CDKAL1: variants seen among roughly 807,000 people sequenced by gnomAD.
The protein encoded by CDKAL1 is threonylcarbamoyladenosine tRNA methylthiotransferase.
Under a neutral mutation model 68.2 loss-of-function variants are expected in CDKAL1, and 32 were observed. That is an observed-to-expected ratio of 0.47 (90% CI 0.35 to 0.63). The LOEUF is 0.63. Ranked by LOEUF, CDKAL1 falls within the 30% of genes least tolerant of loss-of-function variation. The pLI, the probability that CDKAL1 is intolerant of heterozygous loss-of-function variation, is 0.00. For synonymous variants in CDKAL1, 234 were observed against 244.3 expected, an observed-to-expected ratio of 0.96 and a Z score of 0.39; for missense variants, 606 against 696.7, an observed-to-expected ratio of 0.87 and a Z score of 1.47.
intron 15 of CDKAL1, 40 bp from the exon 16 acceptor site, chr6:21,230,808 C>A: frequency 2.0e-6 from 3 of 1,485,982 alleles, no homozygotes; most frequent in Non-Finnish European, 2.7e-6. Flanking sequence ...GCTTTCTCTG[C>A]ATCTAAAAAT....
At chr6:21,045,820 T>G (rs180704144) in intron 11 of CDKAL1, among the ~76,000 whole-genome samples, 1 of 152,338 alleles carries the variant, frequency 6.6e-6, no homozygotes, top group East Asian at 1.9e-4. Flanking sequence ...GGTATTTTTA[T>G]TTAGCAGTTG....
At chr6:21,160,044 T>C (rs1035800809) in intron 13 of CDKAL1, among the ~76,000 whole-genome samples, 1 of 152,178 alleles carries the variant, frequency 6.6e-6, no homozygotes, top group Non-Finnish European at 1.5e-5. Flanking sequence ...GATTTGTTCT[T>C]GTGATTTTGG....
At chr6:20,921,438 A>G (rs1307658704) in intron 9 of CDKAL1, among the ~76,000 whole-genome samples, 3 of 152,178 alleles carry the variant, frequency 2.0e-5, no homozygotes, top group African/African-American at 7.2e-5. Context: ...AAATAAATAA[A>G]TAAATAAACC....
intron 11 of CDKAL1, among the ~76,000 whole-genome samples, chr6:21,007,454 G>T (rs767296782): frequency 1.6e-5 from 2 of 122,782 alleles, no homozygotes; most frequent in Admixed American, 1.1e-4. Context: ...CTGCATTCCA[G>T]CCTGGGCAAC....
At chr6:21,226,291 T>G (rs150742837) in intron 15 of CDKAL1, among the ~76,000 whole-genome samples, 17,597 of 151,980 alleles carry the variant, frequency 0.12, 1,203 homozygotes, top group East Asian at 0.33. Context: ...AAAGTTTTTT[T>G]TTTTTTTTTT....
At chr6:20,907,452 T>G (rs1351572174) in intron 9 of CDKAL1, among the ~76,000 whole-genome samples, 2 of 152,084 alleles carry the variant, frequency 1.3e-5, no homozygotes, top group Non-Finnish European at 2.9e-5. Flanking sequence ...ATGATACATT[T>G]TATGTTATAT....
At chr6:20,739,751 T>C (rs1325724076) in intron 6 of CDKAL1, 136 bp downstream of exon 6, 5 of 508,804 alleles carry the variant, frequency 9.8e-6, no homozygotes, top group African/African-American at 2.0e-5. Flanking sequence ...ATTTTCCTTA[T>C]TGTCCCTGAA....
At chr6:21,129,324 C>T (rs1021398053) in intron 13 of CDKAL1, among the ~76,000 whole-genome samples, 1 of 151,680 alleles carries the variant, frequency 6.6e-6, no homozygotes, top group Non-Finnish European at 1.5e-5. Flanking sequence ...AAAAAGAAAC[C>T]TAACCAGCTG....
intron 4 of CDKAL1, among the ~76,000 whole-genome samples, chr6:20,631,679 G>C (rs1452655594): frequency 6.6e-6 from 1 of 152,178 alleles, no homozygotes; most frequent in Admixed American, 6.5e-5. Context: ...CTGGTCCTCT[G>C]CTGAATAATT....
intron 9 of CDKAL1, among the ~76,000 whole-genome samples, chr6:20,856,197 C>T (rs563040614): frequency 2.3e-4 from 35 of 152,136 alleles, no homozygotes; most frequent in Admixed American, 5.9e-4. Context: ...TATTTTAGGA[C>T]ATGGGAAGAC....
At chr6:20,570,860 T>A (rs1764672659) in intron 4 of CDKAL1, among the ~76,000 whole-genome samples, 1 of 152,222 alleles carries the variant, frequency 6.6e-6, no homozygotes, top group African/African-American at 2.4e-5. Flanking sequence ...TGTACCCTTA[T>A]AGTCTCTTCA....
chr6:20,810,401 C>G (rs1383330714), intron 8 of CDKAL1, among the ~76,000 whole-genome samples: 1 of 15,360 alleles, frequency 6.5e-5, no homozygotes, highest in Non-Finnish European at 1.4e-4. Flanking sequence ...GTCACACACA[C>G]ACACACACAC....
chr6:20,796,597 G>A (rs1472266936), intron 8 of CDKAL1, among the ~76,000 whole-genome samples: 1 of 152,216 alleles, frequency 6.6e-6, no homozygotes, highest in East Asian at 1.9e-4. Flanking sequence ...CTGTAAAGTA[G>A]CAGCAATCAA....
At chr6:20,570,411 A>AT (rs992993449) in intron 4 of CDKAL1, among the ~76,000 whole-genome samples, 1 of 141,426 alleles carries the variant, frequency 7.1e-6, no homozygotes. Context: ...CAATTAATTT[A>AT]TTTTTTTGAG....
chr6:21,225,279 C>T (rs1417451797), intron 15 of CDKAL1, among the ~76,000 whole-genome samples: 1 of 152,044 alleles, frequency 6.6e-6, no homozygotes, highest in African/African-American at 2.4e-5. Flanking sequence ...GAGGCAGGGG[C>T]GGGTGATGGT....
chr6:21,224,521 T>C (rs987336058), intron 15 of CDKAL1, among the ~76,000 whole-genome samples: 1 of 151,740 alleles, frequency 6.6e-6, no homozygotes, highest in Non-Finnish European at 1.5e-5. Context: ...CTCAAAATAA[T>C]AATAAACAAT....
intron 4 of CDKAL1, among the ~76,000 whole-genome samples, chr6:20,552,001 C>G (rs1020834092): frequency 2.7e-5 from 4 of 147,054 alleles, no homozygotes; most frequent in African/African-American, 1.0e-4. Context: ...GTAGCTGGGA[C>G]TACAGTTGTG....
chr6:20,802,143 C>G (rs1776389069), intron 8 of CDKAL1, among the ~76,000 whole-genome samples: 1 of 151,762 alleles, frequency 6.6e-6, no homozygotes, highest in South Asian at 2.1e-4. Context: ...ACTAAAAATA[C>G]AAAAATTAGC....
At chr6:20,819,047 C>A (rs916965299) in intron 8 of CDKAL1, among the ~76,000 whole-genome samples, 5 of 152,088 alleles carry the variant, frequency 3.3e-5, no homozygotes, top group Non-Finnish European at 1.5e-5. Context: ...TTTTGTTTCA[C>A]AAGGTACTCA....
Sources: allele counts gnomAD v4.1 joint callset (sites outside exome capture counted in the v4.1 genomes callset), GRCh38; gene constraint gnomAD v4.1.1; transcripts MANE v1.5; gene names NCBI Gene and HGNC (gene_info 2026-07-23, HGNC 2026-07-21).